The following BCL2A1 variants were observed in gnomAD, a reference collection of about 807,000 sequenced individuals.
BCL2A1 encodes bcl-2-related protein A1.
In BCL2A1, 10 loss-of-function variants were observed where a neutral mutation model predicts 14.4. The observed-to-expected ratio is 0.69, with a 90% confidence interval of 0.43 to 1.18. The LOEUF is 1.18. BCL2A1 is among the 50% of genes most tolerant of loss of function. The probability of loss-of-function intolerance (pLI) is 0.00; values close to 1 mark genes in which losing one functional copy is unlikely to be tolerated. For synonymous variants in BCL2A1, 71 were observed against 76.5 expected (o/e 0.93, Z 0.38); for missense variants, 158 against 205.0 (o/e 0.77, Z 1.40).
intron 1 of BCL2A1, among the ~76,000 whole-genome samples, chr15:79,963,498 C>A (rs1322170789): frequency 6.6e-6 from 1 of 152,100 alleles, no homozygotes; most frequent in East Asian, 1.9e-4. Context: ...GTACTTTTAA[C>A]ACAGTCTTAT....
chr15:79,964,984 C>CAGA lies in BCL2A1; in HGVS notation c.421-3813_421-3811dup, dbSNP rs144796919. ...AGCTATGAGAGCACGGAGGGATTCA[C>CAGA]AGATGAGATTTGAGAGGCGGTTAGA... On this transcript the variant is annotated intron_variant, in intron 1 of 1. Transcript: ENST00000267953. Among the ~76,000 whole-genome samples the CAGA allele has an allele frequency of 8.6e-3, 1,316 of 152,254 alleles. 43 individuals are homozygous for CAGA. The East Asian group carries it at 0.1, about 12-fold the overall frequency.
chr15:79,961,136 G>A lies in BCL2A1; in HGVS notation c.459C>T (p.Gly153=), dbSNP rs1281451769. ...CTGTAACTTCTAGAAAAGTCATCCA[G>A]CCAGATTTAGGTTCAAACTTCTTTA... is the stretch of plus-strand genomic sequence containing the variant. ...GFVKKFEPKS[G]WMTFLEVTGK... is the part of the protein sequence containing the mutation. The change falls in exon 2 of 2, where the codon GGC becomes GGT. Residue 153 remains glycine (G), a synonymous_variant. Transcript: ENST00000267953. 1 of 1,614,014 alleles carries A rather than the reference G, an allele frequency of 6.2e-7. No homozygotes were observed. The highest frequency in any genetic ancestry group is 8.5e-7 in the Non-Finnish European group (1 of 1,179,958).
intron 1 of BCL2A1, chr15:79,967,781 G>A (rs1476387329): frequency 2.3e-6 from 2 of 856,168 alleles, no homozygotes; most frequent in Non-Finnish European, 3.8e-6. Flanking sequence ...TTCCATGCCA[G>A]TTTGCACTGA....
intron 1 of BCL2A1, among the ~76,000 whole-genome samples, chr15:79,970,248 C>A (rs1043874540): frequency 6.6e-6 from 1 of 152,028 alleles, no homozygotes; most frequent in African/African-American, 2.4e-5. Context: ...GATGAACTTA[C>A]AAAAATTTAC....
rs773906919 is a variant in BCL2A1, at chr15:79,961,047, A to C, written c.*20T>G. 5 of 1,613,162 alleles carry C rather than the reference A, an allele frequency of 3.1e-6. No homozygotes were observed. Among genetic ancestry groups the C allele is most frequent in the Non-Finnish European group, 4.2e-6 (5 of 1,179,338 alleles). ...TCAGAAAAATTAGGCCGGTTTCACA[A>C]TATGGAGTGTCCTTTCTGGTCAACA... On this transcript the variant is annotated 3_prime_UTR_variant, in exon 2 of 2. Coordinates refer to ENST00000267953, the MANE Select transcript of BCL2A1 (RefSeq NM_004049.4).
Position 79,970,745 on chromosome 15 carries a change from G to A in BCL2A1, c.375C>T (p.Phe125=), listed in dbSNP as rs1555420921. The A allele has an allele frequency of 6.2e-7, 1 of 1,614,000 alleles. No individual in the cohort carries two copies. Among genetic ancestry groups the A allele is most frequent in the Non-Finnish European group, 8.5e-7 (1 of 1,179,908 alleles). Residue 125 remains phenylalanine (F), a synonymous_variant, in exon 1 of 2, where the codon TTC becomes TTT. Transcript: ENST00000267953. ...TCCATTCTCCTGTGTTATTCATTAT[G>A]AACTCCGCAACAAAATATGAAATCT... ...YKEISYFVAE[F]IMNNTGEWIR...
chr15:79,968,499 C>T (rs1224607061), intron 1 of BCL2A1, among the ~76,000 whole-genome samples: 1 of 152,198 alleles, frequency 6.6e-6, no homozygotes, highest in Non-Finnish European at 1.5e-5. Flanking sequence ...TAAGCTCTAT[C>T]ATGCAGGAAG....
At chr15:79,967,607 T>G (rs2035554449) in intron 1 of BCL2A1, 1 of 1,583,862 alleles carries the variant, frequency 6.3e-7, no homozygotes, top group Non-Finnish European at 8.6e-7. Context: ...CACATCTTGA[T>G]AAAGCTGTAA....
At position 79,971,032 on chromosome 15, in the gene BCL2A1, G is replaced by T; in HGVS notation, c.88C>A (p.Pro30Thr). The T allele has an allele frequency of 1.2e-6, 2 of 1,614,152 alleles. No homozygotes were observed. Among genetic ancestry groups the T allele is most frequent in the South Asian group, 2.2e-5 (2 of 91,082 alleles). The change falls in exon 1 of 2, where the codon CCA becomes ACA. Residue 30 changes from proline to threonine, a missense_variant. Pro to Thr is a conservative substitution (Grantham distance 38). Coordinates refer to ENST00000267953, the MANE Select transcript of BCL2A1 (RefSeq NM_004049.4). ...TGTAGCACTCTGGACGTTTTGCTTG[G>T]ACCTGATCCAGGTTGTGGTATCTGT... Reference protein sequence around the residue: ...VLQIPQPGSGPSKTSRVLQNV... With the variant: ...VLQIPQPGSGTSKTSRVLQNV...
intron 1 of BCL2A1, among the ~76,000 whole-genome samples, chr15:79,965,128 A>T (rs924328223): frequency 2.0e-5 from 3 of 151,842 alleles, no homozygotes; most frequent in African/African-American, 7.3e-5. Context: ...TCAAGTTTTT[A>T]TTTTATTTTA....
chr15:79,966,571 G>A (rs929212604), intron 1 of BCL2A1, among the ~76,000 whole-genome samples: 8 of 152,152 alleles, frequency 5.3e-5, no homozygotes, highest in Non-Finnish European at 5.9e-5. Flanking sequence ...CAAAAGGAAG[G>A]GTGATCCCAA....
intron 1 of BCL2A1, among the ~76,000 whole-genome samples, chr15:79,967,425 A>G (rs1422244371): frequency 6.6e-6 from 1 of 152,066 alleles, no homozygotes; most frequent in East Asian, 1.9e-4. Context: ...CATCTTAGCT[A>G]GGCTGCTCTT....
At chr15:79,963,747 T>A (rs113672207) in intron 1 of BCL2A1, among the ~76,000 whole-genome samples, 5 of 152,142 alleles carry the variant, frequency 3.3e-5, no homozygotes, top group African/African-American at 1.2e-4. Flanking sequence ...TATTGGAGGG[T>A]AGGGGGCACC....
chr15:79,970,387 T>C (rs2035582013), intron 1 of BCL2A1, among the ~76,000 whole-genome samples: 1 of 152,146 alleles, frequency 6.6e-6, no homozygotes, highest in Admixed American at 6.5e-5. Context: ...AGTACTAGAT[T>C]AGAGTGTGTG....
Position 79,971,089 on chromosome 15 carries a change from T to G in BCL2A1, c.31A>C (p.Arg11=). 1 of 1,613,772 alleles carries G rather than the reference T, an allele frequency of 6.2e-7. No individual in the cohort carries two copies. The highest frequency in any genetic ancestry group is 8.5e-7 in the Non-Finnish European group (1 of 1,179,686). MTDCEFGYIY[R]LAQDYLQCVL... ...CACTGCAGATAGTCCTGAGCCAGCCTGTAAATATATCCAAATTCACAGTCT... is the reference window on the plus strand; with the variant it reads ...CACTGCAGATAGTCCTGAGCCAGCCGGTAAATATATCCAAATTCACAGTCT... The change falls in exon 1 of 2, where the codon AGG becomes CGG. Residue 11 remains arginine, a synonymous_variant. Transcript: ENST00000267953.
At chr15:79,961,405 T>C (rs2035489768) in intron 1 of BCL2A1, among the ~76,000 whole-genome samples, 1 of 152,176 alleles carries the variant, frequency 6.6e-6, no homozygotes, top group Non-Finnish European at 1.5e-5. Context: ...ACTTTTAGGA[T>C]AGTTTTAGAG....
At chr15:79,963,624 A>G (rs145188084) in intron 1 of BCL2A1, among the ~76,000 whole-genome samples, 1 of 152,136 alleles carries the variant, frequency 6.6e-6, no homozygotes, top group African/African-American at 2.4e-5. Context: ...TTGATATAAT[A>G]CTTTTGGAAA....
chr15:79,969,305 G>A (rs2035572690), intron 1 of BCL2A1, among the ~76,000 whole-genome samples: 1 of 152,142 alleles, frequency 6.6e-6, no homozygotes, highest in African/African-American at 2.4e-5. Context: ...TGGAGGGCAA[G>A]GACCTAACAA....
At chr15:79,967,198 A>G (rs2035549935) in intron 1 of BCL2A1, among the ~76,000 whole-genome samples, 1 of 149,222 alleles carries the variant, frequency 6.7e-6, no homozygotes. Flanking sequence ...TGCTCTGAAC[A>G]TCTATGCTGT....
Sources: gnomAD v4.1 joint callset for allele counts (sites outside exome capture counted in the v4.1 genomes callset) on GRCh38, gnomAD v4.1.1 for gene constraint, MANE v1.5 for transcripts, NCBI Gene and HGNC (gene_info 2026-07-23, HGNC 2026-07-21) for gene names.